The following SNX4 variants were observed in gnomAD, a reference collection of about 807,000 sequenced individuals.
The protein encoded by SNX4 is sorting nexin 4.
In SNX4, 49 loss-of-function variants were observed where a neutral mutation model predicts 70.8. The observed-to-expected ratio is 0.69, with a 90% CI of 0.55 to 0.88. SNX4 has a LOEUF of 0.88. Among genes scored for constraint, SNX4 ranks in the 40% least tolerant of loss-of-function variants. The pLI, the probability that SNX4 is intolerant of heterozygous loss-of-function variation, is 0.00. For missense variants in SNX4, 528 were observed against 544.8 expected (o/e 0.97, Z 0.31); for synonymous variants, 206 against 183.8 (o/e 1.12, Z -0.98).
At chr3:125,476,110 A>C (rs1452637815) in intron 8 of SNX4, among the ~76,000 whole-genome samples, 1 of 151,716 alleles carries the variant, frequency 6.6e-6, no homozygotes, top group Non-Finnish European at 1.5e-5. Context: ...TACTAAAAAT[A>C]CAAAAAAATA....
chr3:125,509,311 C>T (rs1017336096), intron 1 of SNX4, among the ~76,000 whole-genome samples: 2 of 114,186 alleles, frequency 1.8e-5, no homozygotes, highest in East Asian at 2.5e-4. Flanking sequence ...GCCTGGGCAA[C>T]AAGAGCGAAA....
intron 1 of SNX4, among the ~76,000 whole-genome samples, chr3:125,519,025 TA>T (rs1935338911): frequency 6.6e-6 from 1 of 151,722 alleles, no homozygotes; most frequent in Non-Finnish European, 1.5e-5. Flanking sequence ...AATAAATAAA[TA>T]AATTAATTAA....
chr3:125,510,399 T>C (rs2107571513), intron 1 of SNX4, among the ~76,000 whole-genome samples: 1 of 152,128 alleles, frequency 6.6e-6, no homozygotes, highest in Admixed American at 6.5e-5. Flanking sequence ...CCGGCTATTT[T>C]TTTGTATTTT....
At chr3:125,457,462 G>C in intron 10 of SNX4, 97 bp from the exon 11 acceptor site, 1 of 820,798 alleles carries the variant, frequency 1.2e-6, no homozygotes, top group Non-Finnish European at 2.0e-6. Flanking sequence ...TGTCTCGCTA[G>C]GGCAGAATGT....
chr3:125,466,276 C>T (rs7645661), intron 9 of SNX4, among the ~76,000 whole-genome samples: 32,560 of 151,360 alleles, frequency 0.22, 3,511 homozygotes, highest in Admixed American at 0.26. Context: ...GGACCCCTTC[C>T]TGTTATCACA....
chr3:125,480,730 A>G (rs1447091217), intron 6 of SNX4, among the ~76,000 whole-genome samples: 1 of 152,180 alleles, frequency 6.6e-6, no homozygotes. Flanking sequence ...ATTTTCCATA[A>G]GGACCAAAAA....
chr3:125,467,572 A>AT (rs147593637), intron 9 of SNX4, among the ~76,000 whole-genome samples: 5,097 of 152,088 alleles, frequency 0.034, 209 homozygotes, highest in African/African-American at 0.085. Context: ...GGTTATTATT[A>AT]TTATTTTTTT....
At chr3:125,466,872 C>T (rs1934036366) in intron 9 of SNX4, among the ~76,000 whole-genome samples, 1 of 152,056 alleles carries the variant, frequency 6.6e-6, no homozygotes, top group African/African-American at 2.4e-5. Flanking sequence ...ATCATGAGGT[C>T]AGGAGTTTGA....
intron 10 of SNX4, among the ~76,000 whole-genome samples, chr3:125,458,814 C>CAAAAAAAAAAA (rs71148180): frequency 2.5e-4 from 16 of 64,530 alleles, no homozygotes; most frequent in African/African-American, 7.6e-4. Context: ...GACTCCGTCT[C>CAAAAAAAAAAA]AAAAAAAAAA....
chr3:125,519,270 T>C (rs1468556243), intron 1 of SNX4, among the ~76,000 whole-genome samples: 2 of 152,170 alleles, frequency 1.3e-5, no homozygotes, highest in Non-Finnish European at 2.9e-5. Context: ...CACTTTGTAA[T>C]GAAAGCACTT....
intron 1 of SNX4, among the ~76,000 whole-genome samples, chr3:125,512,978 A>G (rs916419699): frequency 6.6e-6 from 1 of 152,228 alleles, no homozygotes; most frequent in African/African-American, 2.4e-5. Context: ...CATGATGGCC[A>G]GGCAGGGCAA....
chr3:125,480,424 T>G (rs1467603388), intron 6 of SNX4, 105 bp from the exon 7 acceptor site: 2 of 506,314 alleles, frequency 4.0e-6, no homozygotes, highest in African/African-American at 2.0e-5. Flanking sequence ...CTGATTCTAT[T>G]TAACCATATG....
At position 125,453,767 on chromosome 3, in the gene SNX4, T is replaced by G. The variant is rs375460197; in HGVS notation, c.1190+43A>C. On this transcript the variant is annotated intron_variant, in intron 12 of 13. Transcript: ENST00000251775. ...TAAATAAATAAAATAATCTACCATATAGTCTACAAGCCTAGCTTACTTAAA... is the reference window on the plus strand; with the variant it reads ...TAAATAAATAAAATAATCTACCATAGAGTCTACAAGCCTAGCTTACTTAAA... 3.2e-6 allele frequency: 5 copies of G among 1,574,706 alleles called. No homozygotes were observed. In the African/African-American group the frequency reaches 6.8e-5, roughly 22 times the overall value.
At chr3:125,456,941 G>A (rs564258469) in intron 11 of SNX4, among the ~76,000 whole-genome samples, 1 of 150,572 alleles carries the variant, frequency 6.6e-6, no homozygotes, top group African/African-American at 2.5e-5. Flanking sequence ...GATTACAGGT[G>A]TGAGCCACCG....
intron 5 of SNX4, among the ~76,000 whole-genome samples, chr3:125,494,448 A>C (rs1934734584): frequency 6.6e-6 from 1 of 152,202 alleles, no homozygotes; most frequent in Non-Finnish European, 1.5e-5. Flanking sequence ...CTGAGGCAAT[A>C]TTGAGCAAAA....
At chr3:125,469,650 T>C in intron 8 of SNX4, 131 bp from the exon 9 acceptor site, 6 of 631,844 alleles carry the variant, frequency 9.5e-6, no homozygotes, top group Non-Finnish European at 1.7e-5. Context: ...GGGTTTATTT[T>C]GTATAACTCA....
In SNX4 at chr3:125,512,438, AAAG is replaced by A. The variant is rs200654976; in HGVS notation, c.141+7591_141+7593del. On this transcript the variant is annotated intron_variant, in intron 1 of 13. Transcript: ENST00000251775. The stretch of plus-strand genomic sequence containing the variant: ...CATAAAATCAGCTATCATAAAAGCT[AAAG>A]AATACAAACAGGCACACAACAATAA... Among the ~76,000 whole-genome samples, 1,053 of 152,302 alleles carry A rather than the reference AAAG, an allele frequency of 6.9e-3. 7 individuals are homozygous for A. Among genetic ancestry groups the A allele is most frequent in the African/African-American group, 0.02 (850 of 41,564 alleles).
intron 2 of SNX4, 72 bp downstream of exon 2, chr3:125,504,551 G>A: frequency 7.2e-7 from 1 of 1,383,624 alleles, no homozygotes; most frequent in Non-Finnish European, 1.0e-6. Flanking sequence ...CTGTTATACA[G>A]CAGAGTCTGC....
At chr3:125,453,717 G>A (rs781705248) in intron 12 of SNX4, 93 bp downstream of exon 12, 33 of 1,218,550 alleles carry the variant, frequency 2.7e-5, no homozygotes, top group Middle Eastern at 2.4e-4. Context: ...CAATGAAGCT[G>A]GGAATTGTTA....
Sources: allele counts gnomAD v4.1 joint callset (sites outside exome capture counted in the v4.1 genomes callset), GRCh38; gene constraint gnomAD v4.1.1; transcripts MANE v1.5; gene names NCBI Gene and HGNC (gene_info 2026-07-23, HGNC 2026-07-21).